GABRB1: variants seen among roughly 807,000 people sequenced by gnomAD.
GABRB1 encodes gamma-aminobutyric acid type A receptor subunit beta1.
In GABRB1, 17 loss-of-function variants were observed where a neutral mutation model predicts 51.6. The ratio of observed to expected loss-of-function variants is 0.33; its 90% confidence interval spans 0.23 to 0.49. The LOEUF (loss-of-function observed/expected upper bound fraction) is 0.49. Ranked by LOEUF, GABRB1 falls within the 20% of genes least tolerant of loss-of-function variation. GABRB1 has a pLI of 0.99. For missense variants in GABRB1, 410 were observed against 600.6 expected, an observed-to-expected ratio of 0.68 and a Z score of 3.32; for synonymous variants, 247 against 218.9, an observed-to-expected ratio of 1.13 and a Z score of -1.14.
rs557582248 is a variant in GABRB1 at position 47,418,949 on chromosome 4, C to T, written c.1081-6725C>T. ...TTCCCTTGTCATAATGAAATGTGAGCATGAATATAATGTTAAGAAAAATAT... is the reference window on the plus strand; with the variant it reads ...TTCCCTTGTCATAATGAAATGTGAGTATGAATATAATGTTAAGAAAAATAT... On this transcript the variant is annotated intron_variant, in intron 8 of 8. Coordinates refer to ENST00000295454, the MANE Select transcript of GABRB1 (RefSeq NM_000812.4). Among the ~76,000 whole-genome samples, 6 of 152,246 alleles carry T rather than the reference C, an allele frequency of 3.9e-5. No individual in the cohort carries two copies. The East Asian group carries it at 9.7e-4, about 25-fold the overall frequency.
chr4:47,416,844 A>G (rs1213004463), intron 8 of GABRB1, among the ~76,000 whole-genome samples: 1 of 152,162 alleles, frequency 6.6e-6, no homozygotes, highest in African/African-American at 2.4e-5. Context: ...ATGTAGAGAA[A>G]GGACCACAGG....
At chr4:47,334,906 G>A (rs920881008) in intron 5 of GABRB1, among the ~76,000 whole-genome samples, 4 of 152,138 alleles carry the variant, frequency 2.6e-5, no homozygotes, top group African/African-American at 9.7e-5. Flanking sequence ...CAGATGTAAA[G>A]GACTTGTTCT....
intron 1 of GABRB1, among the ~76,000 whole-genome samples, chr4:47,013,655 A>G (rs1210394310): frequency 6.6e-6 from 1 of 152,184 alleles, no homozygotes; most frequent in South Asian, 2.1e-4. Context: ...AATTCTATTC[A>G]TATCCATTGT....
intron 5 of GABRB1, among the ~76,000 whole-genome samples, chr4:47,342,553 T>C (rs111818230): frequency 1.2e-4 from 19 of 152,202 alleles, no homozygotes; most frequent in African/African-American, 4.6e-4. Flanking sequence ...CACTTAGTTT[T>C]CTAATGGCTG....
chr4:47,416,915 AG>A (rs1728940879), intron 8 of GABRB1, among the ~76,000 whole-genome samples: 1 of 152,244 alleles, frequency 6.6e-6, no homozygotes, highest in Non-Finnish European at 1.5e-5. Context: ...GGAAAGAACA[AG>A]GCATGGAATA....
chr4:47,367,851 C>T (rs558913969), intron 5 of GABRB1, among the ~76,000 whole-genome samples: 1 of 152,310 alleles, frequency 6.6e-6, no homozygotes, highest in East Asian at 1.9e-4. Context: ...AAACCCCAGC[C>T]AGTTTTGGCT....
intron 4 of GABRB1, among the ~76,000 whole-genome samples, chr4:47,216,023 G>T (rs1186387181): frequency 6.6e-6 from 1 of 151,980 alleles, no homozygotes; most frequent in Non-Finnish European, 1.5e-5. Flanking sequence ...TGACAGATGG[G>T]ATTGGAATAC....
intron 3 of GABRB1, 61 bp from the exon 4 acceptor site, chr4:47,161,188 A>T: frequency 8.9e-7 from 1 of 1,127,640 alleles, no homozygotes; most frequent in Non-Finnish European, 1.3e-6. Context: ...ACATGTTATT[A>T]AACCTTAGAT....
At chr4:47,224,133 A>G (rs1720861545) in intron 4 of GABRB1, among the ~76,000 whole-genome samples, 1 of 151,336 alleles carries the variant, frequency 6.6e-6, no homozygotes, top group African/African-American at 2.4e-5. Flanking sequence ...ATAGAAAAGA[A>G]TGAAAAGCCC....
chr4:47,120,181 G>A (rs940519651), intron 3 of GABRB1, among the ~76,000 whole-genome samples: 5 of 152,128 alleles, frequency 3.3e-5, no homozygotes, highest in African/African-American at 1.2e-4. Flanking sequence ...ATGTGTGTAT[G>A]TGTGTATATA....
At chr4:47,407,041 C>G in intron 8 of GABRB1, 115 bp downstream of exon 8, 1 of 1,022,654 alleles carries the variant, frequency 9.8e-7, no homozygotes, top group Non-Finnish European at 1.4e-6. Context: ...TTTAATAAGA[C>G]TCAACCAAGC....
chr4:47,206,872 G>A (rs1019452297), intron 4 of GABRB1, among the ~76,000 whole-genome samples: 1 of 151,496 alleles, frequency 6.6e-6, no homozygotes, highest in African/African-American at 2.4e-5. Context: ...ATATATGTGT[G>A]TGTGTATGTA....
At chr4:47,075,440 G>T (rs1577884156) in intron 3 of GABRB1, among the ~76,000 whole-genome samples, 1 of 152,252 alleles carries the variant, frequency 6.6e-6, no homozygotes, top group South Asian at 2.1e-4. Flanking sequence ...GGCAATCTAT[G>T]CTGGGTCTTT....
chr4:47,342,269 A>C (rs1309037840), intron 5 of GABRB1, among the ~76,000 whole-genome samples: 2 of 152,210 alleles, frequency 1.3e-5, no homozygotes, highest in Admixed American at 6.5e-5. Context: ...AAAAAACAAA[A>C]GGCAAGAAAT....
chr4:46,994,228 GA>G (rs1161435567), intron 1 of GABRB1: 1 of 152,198 alleles, frequency 6.6e-6, no homozygotes, highest in Admixed American at 6.6e-5. Context: ...TTGCTTTAAA[GA>G]CACCCCATTT....
At position 47,400,410 on chromosome 4, in the gene GABRB1, T is replaced by C. The variant is rs76929527; in HGVS notation, c.545-2908T>C. ...CTACTGGGTTCCTTATATGCATTGT[T>C]ATTTTTTCTTGCATATTCTTTGGGG... On this transcript the variant is annotated intron_variant, in intron 5 of 8. Coordinates refer to ENST00000295454, the MANE Select transcript of GABRB1 (RefSeq NM_000812.4). Among the ~76,000 whole-genome samples, 615 of 152,320 alleles carry C rather than the reference T, an allele frequency of 4.0e-3. 3 individuals carry two copies. Among genetic ancestry groups the C allele is most frequent in the Middle Eastern group, 6.8e-3 (2 of 294 alleles).
chr4:47,028,528 G>C (rs781331096), upstream of GABRB1, among the ~76,000 whole-genome samples: 1 of 151,578 alleles, frequency 6.6e-6, no homozygotes. Context: ...CTCCTAATTG[G>C]TCACTTCGTT....
chr4:47,296,793 C>T lies in GABRB1; in HGVS notation c.462-23334C>T, dbSNP rs193148632. On this transcript the variant is annotated intron_variant, in intron 4 of 8. Transcript: ENST00000295454. ...ATCTACAAAATTCTCCACCCCAAAT[C>T]AACAGAATATACATTTTTTTCAGCA... is the stretch of plus-strand genomic sequence containing the variant. 8.5e-5 allele frequency among the ~76,000 whole-genome samples: 13 copies of T among 152,282 alleles called. No homozygotes were observed. The South Asian group carries it at 2.5e-3, about 29-fold the overall frequency.
intron 4 of GABRB1, among the ~76,000 whole-genome samples, chr4:47,178,401 G>A (rs56025240): frequency 0.012 from 1,841 of 152,088 alleles, 35 homozygotes; most frequent in African/African-American, 0.042. Context: ...GATGATATCC[G>A]CTCCTGTCCT....
Sources: gnomAD v4.1 joint callset for allele counts (sites outside exome capture counted in the v4.1 genomes callset) on GRCh38, gnomAD v4.1.1 for gene constraint, MANE v1.5 for transcripts, NCBI Gene and HGNC (gene_info 2026-07-23, HGNC 2026-07-21) for gene names.